Variants in SH3GL3 observed in about 807,000 individuals in gnomAD.
SH3GL3 encodes endophilin-A3.
A neutral mutation model predicts 47.7 loss-of-function variants in SH3GL3; 33 were observed. The ratio of observed to expected loss-of-function variants is 0.69; its 90% CI spans 0.52 to 0.92. The LOEUF (loss-of-function observed/expected upper bound fraction) is 0.92. Ranked by LOEUF, SH3GL3 falls within the 40% of genes least tolerant of loss-of-function variation. The pLI, the probability that SH3GL3 is intolerant of heterozygous loss-of-function variation, is 0.00. For missense variants in SH3GL3, 363 were observed against 417.8 expected (o/e 0.87, Z 1.14); for synonymous variants, 155 against 148.8 (o/e 1.04, Z -0.30).
At chr15:83,555,844 C>T (rs572960397) in intron 1 of SH3GL3, among the ~76,000 whole-genome samples, 83 of 152,216 alleles carry the variant, frequency 5.5e-4, no homozygotes, top group Middle Eastern at 3.4e-3. Flanking sequence ...CCAGCAGGCC[C>T]GAGGCTTCAA....
At chr15:83,602,306 G>A (rs1284159154) in intron 8 of SH3GL3, among the ~76,000 whole-genome samples, 2 of 152,220 alleles carry the variant, frequency 1.3e-5, no homozygotes, top group African/African-American at 4.8e-5. Flanking sequence ...AGTTGTAATG[G>A]CATCTTAGTT....
At chr15:83,604,642 C>T (rs1198996259) in intron 8 of SH3GL3, among the ~76,000 whole-genome samples, 1 of 152,042 alleles carries the variant, frequency 6.6e-6, no homozygotes, top group Non-Finnish European at 1.5e-5. Flanking sequence ...ATGACAATAG[C>T]AACTACACTT....
intron 1 of SH3GL3, among the ~76,000 whole-genome samples, chr15:83,557,096 G>T (rs1242095643): frequency 3.9e-5 from 6 of 152,182 alleles, no homozygotes; most frequent in Non-Finnish European, 8.8e-5. Flanking sequence ...GTCGAAGCGT[G>T]GAAAAATAGA....
At chr15:83,574,264 T>A (rs1461350701) in intron 5 of SH3GL3, among the ~76,000 whole-genome samples, 1 of 152,060 alleles carries the variant, frequency 6.6e-6, no homozygotes, top group Non-Finnish European at 1.5e-5. Context: ...TTCAGGAAGT[T>A]TGAGTGAGAA....
intron 1 of SH3GL3, among the ~76,000 whole-genome samples, chr15:83,480,787 G>T (rs1005310143): frequency 3.3e-5 from 5 of 152,178 alleles, no homozygotes; most frequent in Non-Finnish European, 7.3e-5. Context: ...ACAATTTAAA[G>T]TGCTGTATAT....
At chr15:83,613,488 AGGTTTACACATGGAGGTGGTGGCCT>A (rs1312623455) in intron 8 of SH3GL3, among the ~76,000 whole-genome samples, 1 of 152,204 alleles carries the variant, frequency 6.6e-6, no homozygotes, top group Admixed American at 6.5e-5. Context: ...GCAAGAACCC[AGGTTTACACATGGAGGTGGTGGCCT>A]GGTTTACACA....
chr15:83,477,686 C>A (rs550027131), intron 1 of SH3GL3, among the ~76,000 whole-genome samples: 1 of 152,180 alleles, frequency 6.6e-6, no homozygotes, highest in East Asian at 1.9e-4. Flanking sequence ...ATTATGTGAA[C>A]CAGATGGTAC....
At chr15:83,482,234 C>T (rs1226440701) in intron 1 of SH3GL3, among the ~76,000 whole-genome samples, 2 of 152,028 alleles carry the variant, frequency 1.3e-5, no homozygotes, top group Admixed American at 1.3e-4. Context: ...ATATATTAAT[C>T]CATCATCATA....
intron 5 of SH3GL3, among the ~76,000 whole-genome samples, chr15:83,575,815 C>T (rs946352767): frequency 2.6e-5 from 4 of 152,214 alleles, no homozygotes; most frequent in African/African-American, 9.6e-5. Flanking sequence ...TATCTGATTT[C>T]CGAGGATTAT....
chr15:83,509,742 A>G (rs2042667908), intron 1 of SH3GL3, among the ~76,000 whole-genome samples: 1 of 152,200 alleles, frequency 6.6e-6, no homozygotes, highest in Non-Finnish European at 1.5e-5. Flanking sequence ...AGAAATATGA[A>G]TAATTCAGGA....
intron 6 of SH3GL3, among the ~76,000 whole-genome samples, chr15:83,583,351 C>T (rs1270191848): frequency 6.6e-6 from 1 of 152,162 alleles, no homozygotes; most frequent in East Asian, 1.9e-4. Flanking sequence ...GGGTTCCCAG[C>T]CCTGCTCCTT....
At chr15:83,543,009 A>C (rs895247298) in intron 1 of SH3GL3, among the ~76,000 whole-genome samples, 3 of 151,886 alleles carry the variant, frequency 2.0e-5, no homozygotes, top group Non-Finnish European at 4.4e-5. Context: ...TTACTCCAGT[A>C]CTATGTTGAA....
At chr15:83,521,323 A>G (rs2151651948) in intron 1 of SH3GL3, among the ~76,000 whole-genome samples, 1 of 152,354 alleles carries the variant, frequency 6.6e-6, no homozygotes, top group South Asian at 2.1e-4. Context: ...GGATCTGGCT[A>G]TACAGGGTCT....
chr15:83,541,142 G>T (rs1646927696), intron 1 of SH3GL3, among the ~76,000 whole-genome samples: 1 of 151,896 alleles, frequency 6.6e-6, no homozygotes, highest in Non-Finnish European at 1.5e-5. Flanking sequence ...GGCTGAATAT[G>T]TACCACATTT....
Position 83,572,593 on chromosome 15 carries a change from C to T in SH3GL3, c.360C>T (p.Ser120=). 1 of 1,612,694 alleles carries T rather than the reference C, an allele frequency of 6.2e-7. No homozygotes were observed. Among genetic ancestry groups the T allele is most frequent in the South Asian group, 1.1e-5 (1 of 90,876 alleles). ...FGNALIEVGE[S]MKLMAEVKDS... ...ATGCATTGATAGAAGTTGGTGAATCCATGAAGCTAATGGCTGAGGTGAAAG... is the reference window on the plus strand; with the variant it reads ...ATGCATTGATAGAAGTTGGTGAATCTATGAAGCTAATGGCTGAGGTGAAAG... Residue 120 remains serine (S), a synonymous_variant, in exon 5 of 9, where the codon TCC becomes TCT. Transcript: ENST00000427482.
chr15:83,583,850 G>A (rs934449030), intron 6 of SH3GL3, among the ~76,000 whole-genome samples: 2 of 152,108 alleles, frequency 1.3e-5, no homozygotes, highest in Non-Finnish European at 2.9e-5. Flanking sequence ...GCCCAGCCAC[G>A]ATGGGCCCAT....
chr15:83,569,195 CTTG>C (rs1462984469), intron 4 of SH3GL3, among the ~76,000 whole-genome samples: 3 of 152,120 alleles, frequency 2.0e-5, no homozygotes, highest in Admixed American at 1.3e-4. Flanking sequence ...CTGCACTTGG[CTTG>C]TTGTGTATCT....
intron 1 of SH3GL3, among the ~76,000 whole-genome samples, chr15:83,516,079 C>A (rs1350926835): frequency 6.9e-6 from 1 of 144,188 alleles, no homozygotes; most frequent in African/African-American, 2.6e-5. Context: ...GGATTAAAGT[C>A]AGTGTAGTAA....
Position 83,568,562 on chromosome 15 carries a change from TGTC to T in SH3GL3, c.223_225del (p.Ser75del). 6.2e-7 allele frequency: 1 copy of T among 1,613,592 alleles called. No individual in the cohort carries two copies. Among genetic ancestry groups the T allele is most frequent in the Non-Finnish European group, 8.5e-7 (1 of 1,179,526 alleles). ...GCTAAGCTAGGAATGCTGAACACTG[TGTC>T]GAAGATCCGAGGGCAGGTGAAGACC... On this transcript the variant is annotated inframe_deletion, in exon 4 of 9. Transcript: ENST00000427482.
Sources: allele counts gnomAD v4.1 joint callset (sites outside exome capture counted in the v4.1 genomes callset), GRCh38; gene constraint gnomAD v4.1.1; transcripts MANE v1.5; gene names NCBI Gene and HGNC (gene_info 2026-07-23, HGNC 2026-07-21).